The following HELB variants were observed in gnomAD, a reference collection of about 807,000 sequenced individuals.
The protein encoded by HELB is DNA helicase B, also known as DNA 5'-3' helicase B.
HELB carries 96 observed loss-of-function variants against 101.7 expected under a neutral mutation model. The observed-to-expected ratio is 0.94, with a 90% CI of 0.80 to 1.12. The LOEUF is 1.12. HELB is among the 50% of genes most tolerant of loss of function. The pLI is 0.00. For missense variants in HELB, 1,210 were observed against 1,291.9 expected (o/e 0.94, Z 0.97); for synonymous variants, 437 against 459.7 (o/e 0.95, Z 0.63).
intron 5 of HELB, among the ~76,000 whole-genome samples, chr12:66,314,990 C>A (rs555148834): frequency 1.3e-5 from 2 of 151,488 alleles, no homozygotes; most frequent in Non-Finnish European, 2.9e-5. Flanking sequence ...ATGTCTAAGG[C>A]CTGTTTTTTT....
downstream of HELB, chr12:66,341,807 C>T (rs1176721414): frequency 6.6e-6 from 1 of 152,202 alleles, no homozygotes; most frequent in East Asian, 1.9e-4. Flanking sequence ...TATGGCACTC[C>T]TGCCCCAACC....
chr12:66,316,150 T>A (rs530590791), intron 6 of HELB, among the ~76,000 whole-genome samples: 1 of 152,320 alleles, frequency 6.6e-6, no homozygotes, highest in South Asian at 2.1e-4. Context: ...TACAGTAGCA[T>A]GCTGTGCAGG....
In HELB at chr12:66,310,373, C is replaced by A. The variant is rs754167724; in HGVS notation, c.1445C>A (p.Thr482Asn). Residue 482 changes from threonine (T) to asparagine (N), a missense_variant, in exon 4 of 13, where the codon ACC (threonine) becomes AAC (asparagine). Physicochemically the swap from Thr to Asn is moderately conservative, Grantham distance 65. Coordinates refer to ENST00000247815, the MANE Select transcript of HELB (RefSeq NM_001370285.1). ...VISGKGGCGK[T>N]TIVSRLFKHI... ...AGTGGGAAAGGTGGATGTGGGAAGA[C>A]CACAATCGTTAGCCGTCTTTTTAAG... is the stretch of plus-strand genomic sequence containing the variant. 2.4e-5 allele frequency: 38 copies of A among 1,614,026 alleles called. No individual in the cohort carries two copies. Among genetic ancestry groups the A allele is most frequent in the Non-Finnish European group, 3.1e-5 (37 of 1,180,048 alleles).
At chr12:66,315,847 G>A (rs1365542395) in intron 6 of HELB, among the ~76,000 whole-genome samples, 2 of 152,256 alleles carry the variant, frequency 1.3e-5, no homozygotes, top group Non-Finnish European at 2.9e-5. Flanking sequence ...AAATAGAAAA[G>A]AACCCTTCTC....
chr12:66,311,066 C>A (rs2053539002), intron 4 of HELB, among the ~76,000 whole-genome samples: 2 of 151,830 alleles, frequency 1.3e-5, no homozygotes, highest in Admixed American at 1.3e-4. Flanking sequence ...TTCAAAGCAG[C>A]AGTCTGTAAA....
In HELB at chr12:66,324,138, A is replaced by G. The variant is rs761698298; in HGVS notation, c.2453A>G (p.Asp818Gly). The G allele has an allele frequency of 3.7e-6, 6 of 1,613,930 alleles. No homozygotes were observed. The East Asian group carries it at 8.9e-5, about 24-fold the overall frequency. The stretch of plus-strand genomic sequence containing the variant: ...GAAGACTTTTCTGGTACGCTTCCTG[A>G]TTTTGCTAAAAATAAGCGTGACTTT... ...SSEDFSGTLP[D>G]FAKNKRDFES... Residue 818 changes from aspartate to glycine, a missense_variant, in exon 10 of 13, where the codon GAT (aspartate) becomes GGT (glycine). By Grantham distance (94) the Asp-to-Gly change is moderately conservative. Coordinates refer to ENST00000247815, the MANE Select transcript of HELB (RefSeq NM_001370285.1).
intron 6 of HELB, among the ~76,000 whole-genome samples, chr12:66,316,968 G>A (rs1490782632): frequency 6.8e-6 from 1 of 146,728 alleles, no homozygotes; most frequent in Non-Finnish European, 1.5e-5. Context: ...GCAGTGAGCC[G>A]AGATCATGCC....
At chr12:66,313,886 C>T in intron 4 of HELB, 100 bp from the exon 5 acceptor site, 1 of 990,326 alleles carries the variant, frequency 1.0e-6, no homozygotes, top group East Asian at 2.4e-5. Flanking sequence ...CCCACCCACC[C>T]CTGCCAATTT....
rs761856608 is a variant in HELB at position 66,325,141 on chromosome 12, T to G, written c.2670+15T>G. The G allele has an allele frequency of 4.4e-5, 67 of 1,532,360 alleles. No individual in the cohort carries two copies. The highest frequency in any genetic ancestry group is 1.8e-6 in the Non-Finnish European group (2 of 1,116,872). The allele number at this position is 1,532,360 out of a possible 1,614,324, so 94.9% of individuals were successfully genotyped here. A position where few individuals can be genotyped will look rare whatever the true frequency, so the allele number is the denominator to read the frequency against. On this transcript the variant is annotated intron_variant, in intron 11 of 12. Coordinates refer to ENST00000247815, the MANE Select transcript of HELB (RefSeq NM_001370285.1). ...ACACTTTTCAGGTAAGAGGAGACTT[T>G]TATCAAACCTTTTAAATAATTTACC...
chr12:66,328,447 C>A (rs936001722), intron 11 of HELB, among the ~76,000 whole-genome samples: 6 of 152,010 alleles, frequency 3.9e-5, no homozygotes, highest in Admixed American at 3.9e-4. Context: ...CCCATGGTCC[C>A]AGCTACTCGG....
At chr12:66,312,745 A>G (rs748940551) in intron 4 of HELB, among the ~76,000 whole-genome samples, 1 of 152,250 alleles carries the variant, frequency 6.6e-6, no homozygotes, top group African/African-American at 2.4e-5. Flanking sequence ...CTGGAGTGCC[A>G]TTTATCATCC....
At chr12:66,319,726 T>C (rs2053649028) in intron 7 of HELB, among the ~76,000 whole-genome samples, 1 of 152,112 alleles carries the variant, frequency 6.6e-6, no homozygotes, top group Non-Finnish European at 1.5e-5. Context: ...TCACTGTGTA[T>C]GTGAAAGTAA....
chr12:66,303,965 G>A lies in HELB; in HGVS notation c.188-766G>A, dbSNP rs1460333254. Among the ~76,000 whole-genome samples the A allele has an allele frequency of 3.3e-5, 5 of 152,218 alleles. No individual in the cohort carries two copies. The East Asian group carries it at 9.6e-4, about 29-fold the overall frequency. The stretch of plus-strand genomic sequence containing the variant: ...CTTGAAATCCAGCTAGTGTAACTGA[G>A]GAGAGAAATTTTAAGTTTTATTACA... On this transcript the variant is annotated intron_variant, in intron 1 of 12. Coordinates refer to ENST00000247815, the MANE Select transcript of HELB (RefSeq NM_001370285.1).
intron 2 of HELB, among the ~76,000 whole-genome samples, chr12:66,305,718 C>G (rs908924983): frequency 6.6e-6 from 1 of 150,684 alleles, no homozygotes; most frequent in African/African-American, 2.4e-5. Context: ...GTACTCCAGC[C>G]TAGGTGAGAG....
At chr12:66,318,921 T>C in intron 7 of HELB, 129 bp downstream of exon 7, 1 of 707,422 alleles carries the variant, frequency 1.4e-6, no homozygotes, top group Non-Finnish European at 2.2e-6. Context: ...AAAAGAGACA[T>C]TGAAAATAAA....
At chr12:66,331,016 T>C (rs750053118) in intron 11 of HELB, 138 bp from the exon 12 acceptor site, 48 of 942,928 alleles carry the variant, frequency 5.1e-5, no homozygotes, top group Admixed American at 2.4e-4. Context: ...ATGGAACCCA[T>C]AAAATGGACA....
chr12:66,316,322 G>C (rs1162978739), intron 6 of HELB, among the ~76,000 whole-genome samples: 1 of 152,110 alleles, frequency 6.6e-6, no homozygotes, highest in Non-Finnish European at 1.5e-5. Context: ...CGATGTGACT[G>C]TATTAAAATC....
chr12:66,308,705 A>G (rs1283716205), intron 3 of HELB, among the ~76,000 whole-genome samples: 1 of 152,066 alleles, frequency 6.6e-6, no homozygotes, highest in Non-Finnish European at 1.5e-5. Context: ...CTATGTCCTA[A>G]TCTCTTCTTC....
At chr12:66,330,831 C>A (rs888500530) in intron 11 of HELB, among the ~76,000 whole-genome samples, 9 of 151,664 alleles carry the variant, frequency 5.9e-5, no homozygotes, top group Non-Finnish European at 1.2e-4. Flanking sequence ...TGGGTTAACA[C>A]ATTTACACAT....
Sources: gnomAD v4.1 joint callset for allele counts (sites outside exome capture counted in the v4.1 genomes callset) on GRCh38, gnomAD v4.1.1 for gene constraint, MANE v1.5 for transcripts, NCBI Gene and HGNC (gene_info 2026-07-23, HGNC 2026-07-21) for gene names.